HAUS7: variants seen among roughly 807,000 people sequenced by gnomAD.
The protein encoded by HAUS7 is HAUS augmin like complex subunit 7.
HAUS7 carries 3 observed loss-of-function variants against 28.4 expected under a neutral mutation model. The observed-to-expected ratio is 0.11, with a 90% CI of 0.05 to 0.27. The LOEUF (loss-of-function observed/expected upper bound fraction) is 0.27. Ranked by LOEUF, HAUS7 falls within the 10% of genes least tolerant of loss-of-function variation. The pLI, the probability that HAUS7 is intolerant of heterozygous loss-of-function variation, is 1.00. For synonymous variants in HAUS7, 165 were observed against 132.1 expected (o/e 1.25, Z -1.71); for missense variants, 284 against 297.3 (o/e 0.96, Z 0.33).
At chrX:153,463,981 G>A (rs1363809523) in intron 3 of HAUS7, among the ~76,000 whole-genome samples, 1 of 112,831 alleles carries the variant, frequency 8.9e-6, no homozygotes, top group Non-Finnish European at 1.9e-5. Context: ...CACGAGGGCA[G>A]TGGAACTCAC....
intron 1 of HAUS7, 83 bp from the exon 2 acceptor site, chrX:153,469,344 C>T (rs2089491941): frequency 2.1e-6 from 1 of 483,590 alleles, no homozygotes; most frequent in African/African-American, 2.4e-5. Context: ...ATTTTTGAGA[C>T]GGAGTCTCAC....
rs1304786040 is a variant in HAUS7, at chrX:153,447,811, G to C, written c.*67C>G. The C allele has an allele frequency of 1.1e-5, 10 of 921,236 alleles. No individual in the cohort carries two copies. The highest frequency in any genetic ancestry group is 1.6e-5 in the Non-Finnish European group (10 of 629,957). The allele number at this position is 921,236 out of a possible 1,213,427, so 75.9% of individuals were successfully genotyped here. On this transcript the variant is annotated 3_prime_UTR_variant, in exon 10 of 10. Transcript: ENST00000370211. ...ACAATCATCCATCCTCGGCCAACTC[G>C]ATCTTGGGAGAGGGCTTCCTGCCCG... is the stretch of plus-strand genomic sequence containing the variant.
At chrX:153,459,931 G>A (rs1397805613) in intron 4 of HAUS7, among the ~76,000 whole-genome samples, 1 of 111,929 alleles carries the variant, frequency 8.9e-6, no homozygotes, top group Admixed American at 9.4e-5. Flanking sequence ...TGGGAGGATC[G>A]CTTGAAGCCC....
intron 1 of HAUS7, among the ~76,000 whole-genome samples, chrX:153,469,860 A>T (rs1556984871): frequency 9.0e-6 from 1 of 110,883 alleles, no homozygotes; most frequent in Non-Finnish European, 1.9e-5. Context: ...GGGGAGAGGG[A>T]AAGGGAGAGG....
chrX:153,488,243 A>G (rs1308705871), intron 1 of HAUS7, among the ~76,000 whole-genome samples: 1 of 112,313 alleles, frequency 8.9e-6, no homozygotes, highest in Non-Finnish European at 1.9e-5. Flanking sequence ...CCCCATCTCG[A>G]TCTGGGCACG....
chrX:153,484,466 C>T (rs1026527994), intron 1 of HAUS7, among the ~76,000 whole-genome samples: 48 of 110,639 alleles, frequency 4.3e-4, no homozygotes, highest in African/African-American at 1.6e-3. Context: ...AGGAGTCGGG[C>T]TAGGGAGTCA....
chrX:153,479,517 C>A, intron 1 of HAUS7: 1 of 347,817 alleles, frequency 2.9e-6, no homozygotes, highest in Non-Finnish European at 3.7e-6. Flanking sequence ...GAGGGGTGTG[C>A]GCAGACTCTA....
At chrX:153,466,226 A>G (rs1407372146) in intron 2 of HAUS7, among the ~76,000 whole-genome samples, 1 of 112,811 alleles carries the variant, frequency 8.9e-6, no homozygotes, top group Non-Finnish European at 1.9e-5. Flanking sequence ...GGGGTTGCCG[A>G]GAACATCTCT....
intron 2 of HAUS7, among the ~76,000 whole-genome samples, chrX:153,466,983 C>T (rs2089462479): frequency 8.9e-6 from 1 of 112,088 alleles, no homozygotes; most frequent in Non-Finnish European, 1.9e-5. Context: ...GGACACTCAA[C>T]CTGTAGAAGC....
intron 1 of HAUS7, among the ~76,000 whole-genome samples, 164 bp downstream of exon 1, chrX:153,470,286 A>G (rs1465718750): frequency 8.8e-6 from 1 of 113,506 alleles, no homozygotes; most frequent in Non-Finnish European, 1.9e-5. Flanking sequence ...AAGGGCAAAG[A>G]TGAATGATCC....
chrX:153,472,043 G>T (rs2089528986), upstream of HAUS7, among the ~76,000 whole-genome samples: 1 of 111,147 alleles, frequency 9.0e-6, no homozygotes, highest in South Asian at 3.8e-4. Flanking sequence ...TCAAATTCTT[G>T]TGGGTTTTTC....
intron 1 of HAUS7, chrX:153,485,813 G>GTGCCCCGCTTCCTGC (rs2089632781): frequency 1.6e-5 from 14 of 900,417 alleles, no homozygotes; most frequent in Admixed American, 4.9e-5. Flanking sequence ...GCTGGTGCAC[G>GTGCCCCGCTTCCTGC]TGCCCCGCTT....
At chrX:153,457,489 ATG>A (rs2089330097) in intron 4 of HAUS7, among the ~76,000 whole-genome samples, 1 of 113,318 alleles carries the variant, frequency 8.8e-6, no homozygotes, top group African/African-American at 3.2e-5. Flanking sequence ...ACAGGAGCAT[ATG>A]TGTCTGTCGT....
intron 9 of HAUS7, among the ~76,000 whole-genome samples, chrX:153,453,287 C>T (rs2089260817): frequency 9.0e-6 from 1 of 111,580 alleles, no homozygotes; most frequent in Non-Finnish European, 1.9e-5. Context: ...TGGGGAATGG[C>T]TGCTAATCAT....
chrX:153,487,184 A>C, intron 1 of HAUS7: 2 of 181,078 alleles, frequency 1.1e-5, no homozygotes, highest in Non-Finnish European at 2.0e-5. Flanking sequence ...GAGCCTCCCC[A>C]CCCCCACCCT....
chrX:153,453,882 T>C (rs1556981455), intron 9 of HAUS7, among the ~76,000 whole-genome samples: 2 of 107,865 alleles, frequency 1.9e-5, no homozygotes, highest in Non-Finnish European at 3.8e-5. Flanking sequence ...TACTGTGGCG[T>C]GACCTCAGCT....
chrX:153,485,063 C>T (rs1363442055), intron 1 of HAUS7, among the ~76,000 whole-genome samples: 1 of 112,748 alleles, frequency 8.9e-6, no homozygotes, highest in Non-Finnish European at 1.9e-5. Context: ...CCAGGGCTTC[C>T]TGCTGCTGGG....
intron 1 of HAUS7, chrX:153,486,022 G>A: frequency 1.0e-6 from 1 of 975,874 alleles, no homozygotes; most frequent in Non-Finnish European, 1.3e-6. Flanking sequence ...ATCATAACCA[G>A]GTGCAGGCCA....
At chrX:153,486,126 G>A (rs2089636131) in intron 1 of HAUS7, 2 of 893,408 alleles carry the variant, frequency 2.2e-6, no homozygotes, top group Non-Finnish European at 2.9e-6. Context: ...CCCCACACCT[G>A]TGGCCGTCTC....
Sources: gnomAD v4.1 joint callset for allele counts (sites outside exome capture counted in the v4.1 genomes callset) on GRCh38, gnomAD v4.1.1 for gene constraint, MANE v1.5 for transcripts, NCBI Gene and HGNC (gene_info 2026-07-23, HGNC 2026-07-21) for gene names.